The following EVL variants were observed in gnomAD, a reference collection of about 807,000 sequenced individuals.
EVL encodes ena/VASP-like protein.
A neutral mutation model predicts 59.6 loss-of-function variants in EVL; 21 were observed. The ratio of observed to expected loss-of-function variants is 0.35; its 90% CI spans 0.25 to 0.51. The LOEUF (loss-of-function observed/expected upper bound fraction) is 0.51. Among genes scored for constraint, EVL ranks in the 20% least tolerant of loss-of-function variants. The probability of loss-of-function intolerance (pLI) is 0.97; values close to 1 mark genes in which losing one functional copy is unlikely to be tolerated. For missense variants in EVL, 462 were observed against 546.6 expected (o/e 0.85, Z 1.54); for synonymous variants, 198 against 203.5 (o/e 0.97, Z 0.23).
At chr14:100,031,047 A>G (rs1438253930) in intron 1 of EVL, among the ~76,000 whole-genome samples, 1 of 152,186 alleles carries the variant, frequency 6.6e-6, no homozygotes, top group East Asian at 1.9e-4. Context: ...CCCTTCCAAC[A>G]ATTGTAGCTA....
intron 2 of EVL, among the ~76,000 whole-genome samples, chr14:100,088,159 AG>A (rs1372467797): frequency 1.3e-5 from 2 of 152,206 alleles, no homozygotes; most frequent in African/African-American, 4.8e-5. Flanking sequence ...CCAGCCTGAG[AG>A]GTAAGATTCT....
intron 8 of EVL, among the ~76,000 whole-genome samples, chr14:100,133,427 G>T (rs944068796): frequency 2.6e-5 from 4 of 152,236 alleles, no homozygotes; most frequent in Admixed American, 6.5e-5. Context: ...TTCCACCTCA[G>T]TGCAGAATCA....
intron 1 of EVL, chr14:100,019,660 A>G (rs2061086269): frequency 2.0e-6 from 3 of 1,533,144 alleles, no homozygotes; most frequent in Admixed American, 2.0e-5. Flanking sequence ...GTCTCTGACT[A>G]GGTCATGTTT....
chr14:100,004,183 G>A (rs1051969521), intron 1 of EVL, among the ~76,000 whole-genome samples: 7 of 152,188 alleles, frequency 4.6e-5, no homozygotes, highest in South Asian at 4.1e-4. Flanking sequence ...CAGCCTGGGC[G>A]ACAGAGTGAG....
intron 4 of EVL, 69 bp from the exon 5 acceptor site, chr14:100,126,638 G>A: frequency 6.4e-7 from 1 of 1,560,548 alleles, no homozygotes; most frequent in Non-Finnish European, 8.8e-7. Flanking sequence ...GGCGGGTACA[G>A]CACAGGCACA....
intron 3 of EVL, among the ~76,000 whole-genome samples, chr14:100,103,616 C>A (rs1239637358): frequency 6.6e-6 from 1 of 152,170 alleles, no homozygotes; most frequent in Non-Finnish European, 1.5e-5. Context: ...TGTGGCCCCC[C>A]ATGCCCACCC....
At chr14:100,016,868 C>T (rs371559249) in intron 1 of EVL, among the ~76,000 whole-genome samples, 64 of 152,314 alleles carry the variant, frequency 4.2e-4, no homozygotes, top group African/African-American at 1.4e-3. Flanking sequence ...TGGCAGGTCT[C>T]TTGCTTGGCC....
chr14:100,105,207 G>A (rs1357851715), intron 3 of EVL, among the ~76,000 whole-genome samples: 2 of 152,162 alleles, frequency 1.3e-5, no homozygotes, highest in African/African-American at 4.8e-5. Flanking sequence ...CCTGTTGGGA[G>A]CAGGACCTGT....
At chr14:100,097,419 C>G (rs764445319) in intron 2 of EVL, 62 bp from the exon 3 acceptor site, 3 of 1,456,486 alleles carry the variant, frequency 2.1e-6, no homozygotes, top group Non-Finnish European at 2.8e-6. Flanking sequence ...TCCATCGCAG[C>G]GCCCTCGAGC....
chr14:100,030,497 A>G (rs760720902), intron 1 of EVL, among the ~76,000 whole-genome samples: 8 of 152,230 alleles, frequency 5.3e-5, no homozygotes, highest in Non-Finnish European at 1.0e-4. Context: ...ATCCTGGATT[A>G]GAAATTGCAT....
At chr14:100,071,751 A>G (rs1394572307) in intron 1 of EVL, among the ~76,000 whole-genome samples, 2 of 152,162 alleles carry the variant, frequency 1.3e-5, no homozygotes, top group African/African-American at 4.8e-5. Context: ...TCCCCCTGGT[A>G]GAGAGGAGGG....
In EVL at chr14:100,137,894, C is replaced by T. The variant is rs757295649; in HGVS notation, c.1094+92C>T. 2.2e-5 allele frequency: 29 copies of T among 1,293,998 alleles called. No individual in the cohort carries two copies. In the Admixed American group the frequency reaches 2.7e-4, roughly 12 times the overall value. 80.2% of individuals were successfully genotyped at this position (1,293,998 alleles called of 1,614,324 possible). On this transcript the variant is annotated intron_variant, in intron 11 of 13. Coordinates refer to ENST00000392920, the MANE Select transcript of EVL (RefSeq NM_016337.3). ...ACTAACACCCTTGCACGCTGTCTCA[C>T]GTCCTGGCATTTAACAACTTGCTCT...
At chr14:100,020,897 A>C (rs2061112069) in intron 1 of EVL, among the ~76,000 whole-genome samples, 1 of 152,184 alleles carries the variant, frequency 6.6e-6, no homozygotes, top group Non-Finnish European at 1.5e-5. Context: ...AATTCTTTTT[A>C]TGTGGCAGTG....
At chr14:100,055,814 T>TTC (rs770214746) in intron 1 of EVL, among the ~76,000 whole-genome samples, 19,100 of 150,842 alleles carry the variant, frequency 0.13, 1,573 homozygotes, top group African/African-American at 0.23. Context: ...TTTCTTTTTC[T>TTC]TTCTCTTTTT....
chr14:100,058,634 A>C (rs534296711), intron 1 of EVL, among the ~76,000 whole-genome samples: 1 of 152,206 alleles, frequency 6.6e-6, no homozygotes, highest in Non-Finnish European at 1.5e-5. Context: ...CTCCTGCAGT[A>C]CATGGTTATT....
intron 1 of EVL, among the ~76,000 whole-genome samples, chr14:100,052,447 T>G (rs1205856252): frequency 6.6e-6 from 1 of 152,138 alleles, no homozygotes; most frequent in Non-Finnish European, 1.5e-5. Flanking sequence ...ATTGTAGATG[T>G]CACCTTAAAA....
chr14:100,061,403 CAAAAAAAAAAAAAAAAA>C (rs56656380), upstream of EVL, among the ~76,000 whole-genome samples: 2 of 19,094 alleles, frequency 1.0e-4, no homozygotes, highest in African/African-American at 2.6e-4. Context: ...GACCCTGTCT[CAAAAAAAAAAAAAAAAA>C]AAAAAAAAAA....
intron 7 of EVL, 89 bp from the exon 8 acceptor site, chr14:100,132,630 G>T: frequency 1.4e-6 from 2 of 1,410,264 alleles, no homozygotes; most frequent in Non-Finnish European, 1.0e-6. Context: ...GAGGACCGGG[G>T]TGAGTCTGGC....
At chr14:100,011,545 T>C (rs2061016923) in intron 1 of EVL, among the ~76,000 whole-genome samples, 1 of 152,226 alleles carries the variant, frequency 6.6e-6, no homozygotes, top group African/African-American at 2.4e-5. Context: ...AGCTGTGTTT[T>C]TAGCTTTTTG....
Sources: gnomAD v4.1 joint callset for allele counts (sites outside exome capture counted in the v4.1 genomes callset) on GRCh38, gnomAD v4.1.1 for gene constraint, MANE v1.5 for transcripts, NCBI Gene and HGNC (gene_info 2026-07-23, HGNC 2026-07-21) for gene names.